Variants in ZNF106 observed in about 807,000 individuals in gnomAD.
The protein encoded by ZNF106 is zinc finger protein 106.
A neutral mutation model predicts 195.1 loss-of-function variants in ZNF106; 67 were observed. That is an observed-to-expected ratio of 0.34 (90% CI 0.28 to 0.42). The LOEUF (loss-of-function observed/expected upper bound fraction) is 0.42. Ranked by LOEUF, ZNF106 falls within the 10% of genes least tolerant of loss-of-function variation. ZNF106 has a pLI of 1.00. For missense variants in ZNF106, 2,118 were observed against 2,304.5 expected, an observed-to-expected ratio of 0.92 and a Z score of 1.66; for synonymous variants, 784 against 818.6, an observed-to-expected ratio of 0.96 and a Z score of 0.72.
At chr15:42,425,086 C>T in intron 15 of ZNF106, 61 bp from the exon 16 acceptor site, 2 of 1,517,442 alleles carry the variant, frequency 1.3e-6, no homozygotes, top group Non-Finnish European at 1.8e-6. Flanking sequence ...AACTAACCAA[C>T]ATCATTACCT....
rs551136654 is a variant in ZNF106 at position 42,435,604 on chromosome 15, C to T, written c.4747-86G>A. 7 of 1,529,248 alleles carry T rather than the reference C, an allele frequency of 4.6e-6. No individual in the cohort carries two copies. The East Asian group carries it at 1.6e-4, about 35-fold the overall frequency. 94.7% of individuals were successfully genotyped at this position (1,529,248 alleles called of 1,614,324 possible). A position where few individuals can be genotyped will look rare whatever the true frequency, so the allele number is the denominator to read the frequency against. On this transcript the variant is annotated intron_variant, in intron 13 of 21. Coordinates refer to ENST00000564754, the MANE Select transcript of ZNF106 (RefSeq NM_001366845.3). ...TTTCCTCAACAAAAAGATGCTAAAA[C>T]ATTCAGTTCACTGCTGTATCCTCAT...
intron 21 of ZNF106, 78 bp downstream of exon 21, chr15:42,417,727 A>G: frequency 6.8e-7 from 1 of 1,463,726 alleles, no homozygotes; most frequent in Non-Finnish European, 9.1e-7. Flanking sequence ...GCAATTCTCA[A>G]TAATAAAAAA....
chr15:42,453,343 TC>T (rs1172421135), intron 4 of ZNF106, among the ~76,000 whole-genome samples: 1 of 152,192 alleles, frequency 6.6e-6, no homozygotes, highest in Non-Finnish European at 1.5e-5. Flanking sequence ...TACAGCTGTT[TC>T]ATGTTCATGT....
intron 3 of ZNF106, among the ~76,000 whole-genome samples, chr15:42,459,286 G>A (rs1283232838): frequency 6.6e-6 from 1 of 151,964 alleles, no homozygotes; most frequent in African/African-American, 2.4e-5. Flanking sequence ...GACCACCCGG[G>A]CCAAACTGGT....
intron 3 of ZNF106, among the ~76,000 whole-genome samples, chr15:42,460,425 A>C (rs1024629515): frequency 1.4e-4 from 22 of 152,230 alleles, no homozygotes; most frequent in South Asian, 4.1e-4. Flanking sequence ...CCCAAAGCAC[A>C]AACATATGTT....
intron 14 of ZNF106, among the ~76,000 whole-genome samples, chr15:42,429,458 T>C (rs2054977289): frequency 6.6e-6 from 1 of 150,884 alleles, no homozygotes; most frequent in Non-Finnish European, 1.5e-5. Flanking sequence ...AAAAAAAATT[T>C]GTTGTTGAAT....
chr15:42,431,307 A>G (rs1286767408), intron 14 of ZNF106, among the ~76,000 whole-genome samples: 1 of 151,948 alleles, frequency 6.6e-6, no homozygotes, highest in Middle Eastern at 3.2e-3. Flanking sequence ...ACATTCTTGA[A>G]AAAAATGTGT....
chr15:42,488,467 G>A (rs181653807), intron 1 of ZNF106, among the ~76,000 whole-genome samples: 5 of 151,594 alleles, frequency 3.3e-5, no homozygotes, highest in Admixed American at 2.6e-4. Context: ...ACACACACTC[G>A]ACTGTAGAGT....
rs865800085 is a variant in ZNF106 at position 42,414,897 on chromosome 15, T to C, written c.*2407A>G. Reference sequence around the variant, plus strand: ...AGTTTGGCTTCTCTGGATATCCTTATAGGAAATAGGGGTGAGAGGTGGGAA... The same window carrying C: ...AGTTTGGCTTCTCTGGATATCCTTACAGGAAATAGGGGTGAGAGGTGGGAA... On this transcript the variant is annotated 3_prime_UTR_variant, in exon 22 of 22. Transcript: ENST00000564754. The C allele has an allele frequency of 2.6e-5, 4 of 152,166 alleles. No individual in the cohort carries two copies. Among genetic ancestry groups the C allele is most frequent in the African/African-American group, 7.2e-5 (3 of 41,430 alleles). 9.4% of individuals were successfully genotyped at this position (152,166 alleles called of 1,614,324 possible). A position where few individuals can be genotyped will look rare whatever the true frequency, so the allele number is the denominator to read the frequency against.
intron 21 of ZNF106, 77 bp from the exon 22 acceptor site, chr15:42,417,437 A>AT: frequency 6.4e-7 from 1 of 1,552,404 alleles, no homozygotes; most frequent in Non-Finnish European, 8.9e-7. Flanking sequence ...AAGGAAAGCC[A>AT]TGTGGGTCCA....
chr15:42,425,861 A>G (rs1247993651), intron 15 of ZNF106: 2 of 152,208 alleles, frequency 1.3e-5, no homozygotes, highest in Non-Finnish European at 2.9e-5. Flanking sequence ...ATCATTTAGT[A>G]GACTATAGAA....
intron 1 of ZNF106, among the ~76,000 whole-genome samples, chr15:42,481,212 T>A (rs1246032941): frequency 1.3e-5 from 2 of 152,254 alleles, no homozygotes; most frequent in South Asian, 4.1e-4. Flanking sequence ...ACCTTCATTG[T>A]TTTCTGAAGA....
At chr15:42,472,903 A>G (rs1175207586) in intron 1 of ZNF106, among the ~76,000 whole-genome samples, 1 of 151,764 alleles carries the variant, frequency 6.6e-6, no homozygotes, top group African/African-American at 2.4e-5. Flanking sequence ...CCAGCTACTC[A>G]GGAGGCTAAG....
chr15:42,429,880 G>C lies in ZNF106; in HGVS notation c.4882-1746C>G, dbSNP rs972944620. Among the ~76,000 whole-genome samples, 3 of 151,990 alleles carry C rather than the reference G, an allele frequency of 2.0e-5. No individual in the cohort carries two copies. In the South Asian group the frequency reaches 6.2e-4, roughly 31 times the overall value. On this transcript the variant is annotated intron_variant, in intron 14 of 21. Coordinates refer to ENST00000564754, the MANE Select transcript of ZNF106 (RefSeq NM_001366845.3). ...TGGTGAGCTAAAGCTAGACATAAAAGAACACATGTGGTACAGTTATACTGA... is the reference window on the plus strand; with the variant it reads ...TGGTGAGCTAAAGCTAGACATAAAACAACACATGTGGTACAGTTATACTGA...
chr15:42,431,093 C>T (rs541753044), intron 14 of ZNF106, among the ~76,000 whole-genome samples: 10 of 152,138 alleles, frequency 6.6e-5, no homozygotes, highest in South Asian at 2.1e-4. Flanking sequence ...TAATTTCCCT[C>T]GTGATTCCTT....
In ZNF106 at chr15:42,472,246, C is replaced by A. The variant is rs1319846042; in HGVS notation, c.44G>T (p.Ser15Ile). The change falls in exon 2 of 22, where the codon AGC becomes ATC. Residue 15 changes from serine (S) to isoleucine (I), a missense_variant. Ser to Ile is a moderately radical substitution (Grantham distance 142). Transcript: ENST00000564754. ...RKCILCHIVY[S>I]SKKEMDEHMR... The stretch of plus-strand genomic sequence containing the variant: ...CTCTTCCATTATTACCTTTTTTGAG[C>A]TGTACACGATGTGGCATAATATGCA... The A allele has an allele frequency of 1.3e-6, 2 of 1,535,102 alleles. No individual in the cohort carries two copies. Among genetic ancestry groups the A allele is most frequent in the Non-Finnish European group, 1.7e-6 (2 of 1,146,352 alleles).
chr15:42,478,091 C>CAA lies in ZNF106; in HGVS notation c.-32-5772_-32-5771dup, dbSNP rs373575234. Among the ~76,000 whole-genome samples, 3 of 122,844 alleles carry CAA rather than the reference C, an allele frequency of 2.4e-5. No homozygotes were observed. The Admixed American group carries it at 2.5e-4, about 10-fold the overall frequency. The allele number at this position is 122,844 out of a possible 152,430, so 80.6% of individuals were successfully genotyped here. ...GTAACCTCCACCTGAAACTACGTCT[C>CAA]AAAAAAAAAGACAAAAATCTTACAT... On this transcript the variant is annotated intron_variant, in intron 1 of 21. Transcript: ENST00000564754.
intron 2 of ZNF106, among the ~76,000 whole-genome samples, chr15:42,468,629 G>A (rs1371720088): frequency 6.6e-6 from 1 of 151,570 alleles, no homozygotes; most frequent in Non-Finnish European, 1.5e-5. Flanking sequence ...TGTAATCCCA[G>A]CTACTCAGAA....
chr15:42,442,853 G>C (rs767658722), intron 9 of ZNF106, among the ~76,000 whole-genome samples: 2 of 151,182 alleles, frequency 1.3e-5, no homozygotes, highest in Admixed American at 1.3e-4. Context: ...GCGCAATCTC[G>C]GCTCACTGCA....
Sources: allele counts gnomAD v4.1 joint callset (sites outside exome capture counted in the v4.1 genomes callset), GRCh38; gene constraint gnomAD v4.1.1; transcripts MANE v1.5; gene names NCBI Gene and HGNC (gene_info 2026-07-23, HGNC 2026-07-21).